The following EBF4 variants were observed in gnomAD, a reference collection of about 807,000 sequenced individuals.
The protein encoded by EBF4 is transcription factor COE4.
EBF4 carries 34 observed loss-of-function variants against 67.1 expected under a neutral mutation model. The ratio of observed to expected loss-of-function variants is 0.51; its 90% confidence interval spans 0.39 to 0.67. The LOEUF is 0.67. EBF4 is among the 30% of genes least tolerant of loss of function. The pLI is 0.00. For missense variants in EBF4, 837 were observed against 873.3 expected (o/e 0.96, Z 0.52); for synonymous variants, 387 against 377.7 (o/e 1.02, Z -0.29).
At chr20:2,704,240 A>G (rs755855488) in intron 1 of EBF4, among the ~76,000 whole-genome samples, 2 of 152,084 alleles carry the variant, frequency 1.3e-5, no homozygotes, top group African/African-American at 2.4e-5. Context: ...GCTTCCACAC[A>G]TGCAGAGCAC....
chr20:2,704,653 A>T (rs529551809), intron 1 of EBF4, among the ~76,000 whole-genome samples: 1 of 152,192 alleles, frequency 6.6e-6, no homozygotes, highest in Non-Finnish European at 1.5e-5. Flanking sequence ...CATCTCCCAT[A>T]AAAAGAATTA....
intron 1 of EBF4, among the ~76,000 whole-genome samples, chr20:2,699,655 G>A (rs567281713): frequency 6.6e-6 from 1 of 152,368 alleles, no homozygotes; most frequent in South Asian, 2.1e-4. Flanking sequence ...TGCAGAAGTG[G>A]TTAATGTGGC....
rs142142634 is a variant in EBF4, at chr20:2,706,294, A to G, written c.414+30A>G. Reference sequence around the variant, plus strand: ...GTCAGCGCAGAGGGTGCTGAGGCCCATCTCACTCTCTTCCCGGACCCTGCC... The same window carrying G: ...GTCAGCGCAGAGGGTGCTGAGGCCCGTCTCACTCTCTTCCCGGACCCTGCC... On this transcript the variant is annotated intron_variant, in intron 4 of 16. Coordinates refer to ENST00000609451, the Ensembl canonical transcript of EBF4. 146 of 1,551,562 alleles carry G rather than the reference A, an allele frequency of 9.4e-5. 1 individual carries two copies. The African/African-American group carries it at 1.9e-3, about 20-fold the overall frequency.
Position 2,725,506 on chromosome 20 carries a change from G to A in EBF4, c.557+15864G>A, listed in dbSNP as rs2146433453. The stretch of plus-strand genomic sequence containing the variant: ...ATGTTTTGTAGTTATTTTACATTCT[G>A]TATTTGGTAATTTCAATATCTGAAG... On this transcript the variant is annotated intron_variant, in intron 6 of 16. Transcript: ENST00000609451. Among the ~76,000 whole-genome samples, 3 of 152,192 alleles carry A rather than the reference G, an allele frequency of 2.0e-5. No individual in the cohort carries two copies. In the South Asian group the frequency reaches 6.2e-4, roughly 32 times the overall value.
At chr20:2,748,501 G>C in intron 6 of EBF4, 48 bp from the exon 7 acceptor site, 1 of 1,526,360 alleles carries the variant, frequency 6.6e-7, no homozygotes, top group Non-Finnish European at 8.9e-7. Flanking sequence ...ATCTTCATCT[G>C]TTTCCAGAAC....
At chr20:2,704,076 A>G (rs1347298775) in intron 1 of EBF4, among the ~76,000 whole-genome samples, 1 of 152,222 alleles carries the variant, frequency 6.6e-6, no homozygotes, top group Non-Finnish European at 1.5e-5. Flanking sequence ...CAGAAGCTGC[A>G]GTGCTTTTAT....
Position 2,740,286 on chromosome 20 carries a change from C to G in EBF4, c.558-8263C>G, listed in dbSNP as rs555123440. On this transcript the variant is annotated intron_variant, in intron 6 of 16. Coordinates refer to ENST00000609451, the Ensembl canonical transcript of EBF4. ...CGAGATCACGCCACTGCACTCCAGCCTGGGCAACAGAGCGAGACTCCGTTT... is the reference window on the plus strand; with the variant it reads ...CGAGATCACGCCACTGCACTCCAGCGTGGGCAACAGAGCGAGACTCCGTTT... Among the ~76,000 whole-genome samples the G allele has an allele frequency of 2.0e-5, 3 of 152,190 alleles. No homozygotes were observed. In the East Asian group the frequency reaches 5.8e-4, roughly 29 times the overall value.
At chr20:2,742,114 C>T (rs2146477192) in intron 6 of EBF4, among the ~76,000 whole-genome samples, 1 of 152,226 alleles carries the variant, frequency 6.6e-6, no homozygotes, top group East Asian at 1.9e-4. Flanking sequence ...CTGGGTCGGA[C>T]TCTGAGAGCC....
At position 2,693,718 on chromosome 20, in the gene EBF4, C is replaced by T; in HGVS notation, c.73C>T (p.Leu25=). 3 of 1,406,594 alleles carry T rather than the reference C, an allele frequency of 2.1e-6. No individual in the cohort carries two copies. The highest frequency in any genetic ancestry group is 3.0e-5 in the South Asian group (2 of 66,716). 87.1% of individuals were successfully genotyped at this position (1,406,594 alleles called of 1,614,324 possible). The change falls in exon 1 of 17, where the codon CTG becomes TTG. Residue 25 remains leucine (L), a synonymous_variant. Coordinates refer to ENST00000609451, the Ensembl canonical transcript of EBF4. The surrounding 1 kb of genome is among the most constrained non-coding windows in gnomAD (Gnocchi z 4.6). ...GGAGGAGCCGCTGCTGCCCGCCGGC[C>T]TGGGCTCAGTGCGCTCCTGGATGCA... is the stretch of plus-strand genomic sequence containing the variant.
At chr20:2,705,547 A>G (rs371167099) in intron 1 of EBF4, 30 bp from the exon 2 acceptor site, 641 of 1,551,574 alleles carry the variant, frequency 4.1e-4, no homozygotes, top group Admixed American at 6.1e-4. Context: ...GGGGCCTTCC[A>G]GTGGTTTTCC....
At chr20:2,694,432 T>G (rs1015440754) in intron 1 of EBF4, among the ~76,000 whole-genome samples, 3 of 152,104 alleles carry the variant, frequency 2.0e-5, no homozygotes, top group African/African-American at 7.2e-5. Context: ...CCCGCGCCGG[T>G]CTCCTCTGAC....
intron 1 of EBF4, among the ~76,000 whole-genome samples, chr20:2,699,600 A>G (rs760892467): frequency 7.9e-5 from 12 of 152,250 alleles, no homozygotes; most frequent in African/African-American, 1.7e-4. Context: ...GCTTTAAACA[A>G]TCTTTTTAAG....
At position 2,747,293 on chromosome 20, in the gene EBF4, T is replaced by TCTGC; in HGVS notation, c.558-1254_558-1253insGCCT. 1.4e-5 allele frequency among the ~76,000 whole-genome samples: 2 copies of TCTGC among 139,210 alleles called. No homozygotes were observed. Among genetic ancestry groups the TCTGC allele is most frequent in the Non-Finnish European group, 3.1e-5 (2 of 65,152 alleles). The allele number at this position is 139,210 out of a possible 152,430, so 91.3% of individuals were successfully genotyped here. The stretch of plus-strand genomic sequence containing the variant: ...GCCTGGGCAACAGAGCAAGACTCTG[T>TCTGC]CTCAAAACAAAAAACAAAACAAACA... On this transcript the variant is annotated intron_variant, in intron 6 of 16. Transcript: ENST00000609451. This position sits in a 1 kb window ranked among gnomAD's most constrained non-coding sequence, Gnocchi z 4.6.
chr20:2,735,884 T>C (rs1319885806), intron 6 of EBF4, among the ~76,000 whole-genome samples: 1 of 151,018 alleles, frequency 6.6e-6, no homozygotes, highest in African/African-American at 2.5e-5. Flanking sequence ...AGATTATCTA[T>C]AATTACATAA....
chr20:2,740,298 G>A (rs1600233098), intron 6 of EBF4, among the ~76,000 whole-genome samples: 1 of 151,614 alleles, frequency 6.6e-6, no homozygotes, highest in South Asian at 2.1e-4. Context: ...GGGCAACAGA[G>A]CGAGACTCCG....
In EBF4 at chr20:2,752,429, A is replaced by G. The variant is rs2088169037; in HGVS notation, c.1424A>G (p.Tyr475Cys). The change falls in exon 14 of 17, where the codon TAC (tyrosine) becomes TGC (cysteine). Residue 475 changes from tyrosine to cysteine, a missense_variant. By Grantham distance (194) the Tyr-to-Cys change is radical. Around this residue, in one of 3 missense-constraint regions of EBF4, gnomAD observed 525 missense variants for 496.5 expected, o/e 1.06. Coordinates refer to ENST00000609451, the Ensembl canonical transcript of EBF4. The stretch of plus-strand genomic sequence containing the variant: ...AGCCCCGGCTCGCAGCAGAGCGGCT[A>G]CGGCGGCGGCCTCGGAGCTGGCCTG... 3 of 1,297,958 alleles carry G rather than the reference A, an allele frequency of 2.3e-6. No homozygotes were observed. The highest frequency in any genetic ancestry group is 2.4e-5 in the South Asian group (1 of 42,508). The allele number at this position is 1,297,958 out of a possible 1,614,324, so 80.4% of individuals were successfully genotyped here. A position where few individuals can be genotyped will look rare whatever the true frequency, so the allele number is the denominator to read the frequency against.
At chr20:2,723,525 A>C (rs2087710755) in intron 6 of EBF4, among the ~76,000 whole-genome samples, 1 of 151,080 alleles carries the variant, frequency 6.6e-6, no homozygotes, top group Admixed American at 6.6e-5. Flanking sequence ...AATTTTTTGT[A>C]TTTTTAATAG....
chr20:2,709,495 G>A (rs956398572), intron 5 of EBF4, 79 bp from the exon 6 acceptor site: 59 of 1,355,336 alleles, frequency 4.4e-5, no homozygotes, highest in Admixed American at 6.7e-5. Flanking sequence ...AGCTCAGGGC[G>A]CCCCCCACAA....
At chr20:2,749,545 C>T (rs1048329135) in intron 8 of EBF4, 27 bp downstream of exon 8, 1 of 1,539,156 alleles carries the variant, frequency 6.5e-7, no homozygotes, top group Non-Finnish European at 8.8e-7. Flanking sequence ...CAGCCCCGGC[C>T]GCCGCGGGCC....
Sources: gnomAD v4.1 joint callset for allele counts (sites outside exome capture counted in the v4.1 genomes callset) on GRCh38, gnomAD v4.1.1 for gene constraint, gnomAD v4.1.1 regional missense constraint, Gnocchi (gnomAD v3.1) non-coding constraint, MANE v1.5 for transcripts, NCBI Gene and HGNC (gene_info 2026-07-23, HGNC 2026-07-21) for gene names.